CUBN: variants seen among roughly 807,000 people sequenced by gnomAD.
CUBN encodes the protein cubilin, also known as 460 kDa receptor.
In CUBN, 282 loss-of-function variants were observed where a neutral mutation model predicts 405.3. The ratio of observed to expected loss-of-function variants is 0.70; its 90% CI spans 0.63 to 0.77. The LOEUF is 0.77. CUBN is among the 30% of genes least tolerant of loss of function. CUBN has a pLI of 0.00. For missense variants in CUBN, 4,514 were observed against 4,475.2 expected (o/e 1.01, Z -0.25); for synonymous variants, 1,684 against 1,617.0 (o/e 1.04, Z -0.99).
rs878992255 is a variant in CUBN, at chr10:16,932,972, A to G, written c.6124+115T>C. On this transcript the variant is annotated intron_variant, in intron 40 of 66. Coordinates refer to ENST00000377833, the MANE Select transcript of CUBN (RefSeq NM_001081.4). ...GGTACTGATGCCTTCCTTGACCATA[A>G]TATCTGTGTAATTCCAAACCAAACG... 10 of 1,047,532 alleles carry G rather than the reference A, an allele frequency of 9.5e-6. No individual in the cohort carries two copies. In the East Asian group the frequency reaches 1.3e-4, roughly 13 times the overall value. 64.9% of individuals were successfully genotyped at this position (1,047,532 alleles called of 1,614,324 possible). A position where few individuals can be genotyped will look rare whatever the true frequency, so the allele number is the denominator to read the frequency against.
intron 28 of CUBN, among the ~76,000 whole-genome samples, chr10:17,016,739 G>C (rs535546356): frequency 6.6e-6 from 1 of 152,236 alleles, no homozygotes; most frequent in African/African-American, 2.4e-5. Flanking sequence ...CTTCTGGGTG[G>C]GGGAGATTAG....
intron 29 of CUBN, among the ~76,000 whole-genome samples, chr10:16,985,551 A>G (rs190201929): frequency 4.0e-4 from 61 of 152,310 alleles, no homozygotes; most frequent in Non-Finnish European, 6.5e-4. Flanking sequence ...TGAGCTGGTT[A>G]ACACTTGAGC....
At chr10:16,841,699 T>C (rs1839353548) in intron 60 of CUBN, among the ~76,000 whole-genome samples, 2 of 152,172 alleles carry the variant, frequency 1.3e-5, no homozygotes, top group African/African-American at 4.8e-5. Flanking sequence ...GGAATGCTCT[T>C]CCCTGTATAT....
intron 65 of CUBN, among the ~76,000 whole-genome samples, chr10:16,830,348 G>T (rs1838947745): frequency 6.6e-6 from 1 of 152,158 alleles, no homozygotes; most frequent in Non-Finnish European, 1.5e-5. Context: ...CTTTTCTTAA[G>T]ATATTTAAAG....
intron 31 of CUBN, among the ~76,000 whole-genome samples, chr10:16,980,170 A>C (rs1301769267): frequency 6.6e-6 from 1 of 152,222 alleles, no homozygotes; most frequent in Non-Finnish European, 1.5e-5. Context: ...TAGAATGGCA[A>C]TTATTAAAAA....
chr10:16,929,942 G>A (rs1842316476), intron 40 of CUBN, among the ~76,000 whole-genome samples: 1 of 152,170 alleles, frequency 6.6e-6, no homozygotes, highest in South Asian at 2.1e-4. Flanking sequence ...CTCAAAATAA[G>A]TGCTTGTTGA....
chr10:16,913,236 C>T (rs1841783829), intron 48 of CUBN, among the ~76,000 whole-genome samples: 1 of 152,246 alleles, frequency 6.6e-6, no homozygotes, highest in Non-Finnish European at 1.5e-5. Context: ...CCTATCTACA[C>T]ACACATATGT....
At chr10:16,898,542 C>T (rs1328543331) in intron 54 of CUBN, among the ~76,000 whole-genome samples, 1 of 152,126 alleles carries the variant, frequency 6.6e-6, no homozygotes, top group African/African-American at 2.4e-5. Context: ...TCATCATAGT[C>T]ACAAGTCAGT....
chr10:17,118,415 C>A (rs749870907), intron 6 of CUBN, among the ~76,000 whole-genome samples: 7 of 152,138 alleles, frequency 4.6e-5, no homozygotes, highest in Non-Finnish European at 8.8e-5. Context: ...TATGAAGATG[C>A]TGCATTTTTA....
chr10:16,893,309 T>C (rs1392735054), intron 54 of CUBN, among the ~76,000 whole-genome samples: 2 of 152,214 alleles, frequency 1.3e-5, no homozygotes, highest in Admixed American at 1.3e-4. Context: ...ACTGACATCT[T>C]GCAAAACTGT....
At chr10:17,019,572 C>T (rs1317654785) in intron 28 of CUBN, among the ~76,000 whole-genome samples, 1 of 152,166 alleles carries the variant, frequency 6.6e-6, no homozygotes, top group African/African-American at 2.4e-5. Flanking sequence ...CTGCTTCTTT[C>T]TTTATCTAAG....
intron 64 of CUBN, among the ~76,000 whole-genome samples, chr10:16,832,213 G>A (rs547023432): frequency 5.3e-5 from 8 of 152,268 alleles, no homozygotes; most frequent in East Asian, 3.9e-4. Context: ...CGCTTCTTAC[G>A]GAAACGTTAC....
At chr10:16,979,052 C>T (rs1487934461) in intron 31 of CUBN, among the ~76,000 whole-genome samples, 1 of 152,058 alleles carries the variant, frequency 6.6e-6, no homozygotes, top group Non-Finnish European at 1.5e-5. Flanking sequence ...CCAGTAATAG[C>T]CAAACAGAAA....
chr10:16,905,777 G>C (rs1395647464), intron 50 of CUBN, among the ~76,000 whole-genome samples: 1 of 152,090 alleles, frequency 6.6e-6, no homozygotes, highest in Non-Finnish European at 1.5e-5. Context: ...CTATGTTAGA[G>C]CCATTTGACT....
intron 26 of CUBN, 116 bp from the exon 27 acceptor site, chr10:17,041,336 TATATGATGTG>T: frequency 3.8e-6 from 3 of 788,124 alleles, no homozygotes; most frequent in Non-Finnish European, 6.6e-6. Flanking sequence ...CACACACACA[TATATGATGTG>T]TATATATGTG....
At chr10:16,967,874 A>AGAGAGAGAGAAGGAGAGACAGGGC in intron 31 of CUBN, among the ~76,000 whole-genome samples, 1 of 150,090 alleles carries the variant, frequency 6.7e-6, no homozygotes, top group African/African-American at 2.5e-5. Flanking sequence ...AGAGACAGGG[A>AGAGAGAGAGAAGGAGAGACAGGGC]GAGAGAGAGA....
At position 16,906,394 on chromosome 10, in the gene CUBN, A is replaced by G; in HGVS notation, c.7721T>C (p.Leu2574Pro). Residue 2574 changes from leucine to proline, a missense_variant, in exon 50 of 67, where the codon CTT becomes CCT. Transcript: ENST00000377833. ...SSEDAVCGGSLPNTPEGNFTS... is the reference protein window; with the variant it reads ...SSEDAVCGGSPPNTPEGNFTS... ...AAAGTTTCCTTCAGGAGTATTTGGA[A>G]GAGACCCACCACACACTAAGAAAAC... 1 of 1,613,402 alleles carries G rather than the reference A, an allele frequency of 6.2e-7. No homozygotes were observed. Among genetic ancestry groups the G allele is most frequent in the Non-Finnish European group, 8.5e-7 (1 of 1,179,364 alleles).
At chr10:17,018,184 C>T (rs541086910) in intron 28 of CUBN, among the ~76,000 whole-genome samples, 2 of 152,220 alleles carry the variant, frequency 1.3e-5, no homozygotes, top group East Asian at 3.9e-4. Context: ...TTTTAACTGG[C>T]CAAGAGGTGC....
At chr10:17,113,450 T>C (rs908047249) in intron 8 of CUBN, among the ~76,000 whole-genome samples, 2 of 151,996 alleles carry the variant, frequency 1.3e-5, no homozygotes, top group Non-Finnish European at 2.9e-5. Context: ...GTGGAATATA[T>C]GATGACTATC....
Sources: allele counts gnomAD v4.1 joint callset (sites outside exome capture counted in the v4.1 genomes callset), GRCh38; gene constraint gnomAD v4.1.1; transcripts MANE v1.5; gene names NCBI Gene and HGNC (gene_info 2026-07-23, HGNC 2026-07-21).